The following VGLL3 variants were observed in gnomAD, a reference collection of about 807,000 sequenced individuals.
VGLL3 encodes transcription cofactor vestigial-like protein 3.
In VGLL3, 18 loss-of-function variants were observed where a neutral mutation model predicts 29.2. That is an observed-to-expected ratio of 0.62 (90% CI 0.43 to 0.91). VGLL3 has a LOEUF of 0.91. VGLL3 is among the 40% of genes least tolerant of loss of function. The probability of loss-of-function intolerance (pLI) is 0.00; values close to 1 mark genes in which losing one functional copy is unlikely to be tolerated. For synonymous variants in VGLL3, 180 were observed against 151.8 expected, an observed-to-expected ratio of 1.19 and a Z score of -1.36; for missense variants, 440 against 413.2, an observed-to-expected ratio of 1.06 and a Z score of -0.56.
At chr3:86,978,330 C>A in intron 2 of VGLL3, among the ~76,000 whole-genome samples, 196 bp downstream of exon 2, 1 of 152,316 alleles carries the variant, frequency 6.6e-6, no homozygotes, top group South Asian at 2.1e-4. Flanking sequence ...GGTGTGACTG[C>A]ATCCTTTCCA....
chr3:86,950,876 C>T (rs142570772), intron 3 of VGLL3, among the ~76,000 whole-genome samples: 1 of 152,080 alleles, frequency 6.6e-6, no homozygotes, highest in Non-Finnish European at 1.5e-5. Flanking sequence ...CCTCTTGAGG[C>T]GGTTGTCAGA....
At chr3:86,963,443 T>G (rs1264020094) in intron 3 of VGLL3, among the ~76,000 whole-genome samples, 2 of 152,164 alleles carry the variant, frequency 1.3e-5, no homozygotes, top group South Asian at 4.1e-4. Flanking sequence ...TAGGGAAAAT[T>G]GGGAGTTATT....
intron 2 of VGLL3, among the ~76,000 whole-genome samples, chr3:86,971,955 C>T (rs147084303): frequency 5.9e-5 from 9 of 152,262 alleles, no homozygotes; most frequent in East Asian, 1.9e-4. Context: ...TTATGAAAAC[C>T]GTTGAGCCCC....
chr3:86,979,550 A>G (rs961472569), intron 1 of VGLL3, among the ~76,000 whole-genome samples: 1 of 152,170 alleles, frequency 6.6e-6, no homozygotes, highest in African/African-American at 2.4e-5. Flanking sequence ...GTTTAAAAAT[A>G]TAATTCTAAT....
chr3:86,978,669 C>A lies in VGLL3; in HGVS notation c.260G>T (p.Arg87Leu), dbSNP rs778137224. ...QPAEMEYLNS[R>L]CVLFTYFQGD... ...CTGGAAATAAGTGAAAAGGACACAG[C>A]GAGAGTTAAGGTACTCCATCTCGGC... Residue 87 changes from arginine to leucine, a missense_variant, in exon 2 of 4, where the codon CGC becomes CTC. By Grantham distance (102) the Arg-to-Leu change is moderately radical. Coordinates refer to ENST00000398399, the MANE Select transcript of VGLL3 (RefSeq NM_016206.4). 1 of 1,614,108 alleles carries A rather than the reference C, an allele frequency of 6.2e-7. No homozygotes were observed. Among genetic ancestry groups the A allele is most frequent in the African/African-American group, 1.3e-5 (1 of 75,020 alleles).
At position 86,940,704 on chromosome 3, in the gene VGLL3, T is replaced by C. The variant is rs1302181999; in HGVS notation, c.*6320A>G. On this transcript the variant is annotated 3_prime_UTR_variant, in exon 4 of 4. Transcript: ENST00000398399. ...TATGTTTTTATTACAAAGTCTTCCATCATCTTATATCATTGACACATATTA... is the reference window on the plus strand; with the variant it reads ...TATGTTTTTATTACAAAGTCTTCCACCATCTTATATCATTGACACATATTA... 1.3e-5 allele frequency: 2 copies of C among 152,040 alleles called. No individual in the cohort carries two copies. The highest frequency in any genetic ancestry group is 2.9e-5 in the Non-Finnish European group (2 of 67,940). The allele number at this position is 152,040 out of a possible 1,614,324, so 9.4% of individuals were successfully genotyped here. A position where few individuals can be genotyped will look rare whatever the true frequency, so the allele number is the denominator to read the frequency against.
intron 3 of VGLL3, chr3:86,962,204 A>G (rs186163385): frequency 4.1e-6 from 4 of 985,420 alleles, no homozygotes; most frequent in Middle Eastern, 5.2e-4. Context: ...ATGACTTATG[A>G]TCATACCATA....
At chr3:86,973,340 T>C (rs1335899852) in intron 2 of VGLL3, among the ~76,000 whole-genome samples, 1 of 152,214 alleles carries the variant, frequency 6.6e-6, no homozygotes, top group African/African-American at 2.4e-5. Context: ...TTTTTATTAA[T>C]ATCAGTTAAA....
intron 2 of VGLL3, among the ~76,000 whole-genome samples, chr3:86,976,994 A>G (rs1705222771): frequency 6.6e-6 from 1 of 152,222 alleles, no homozygotes; most frequent in African/African-American, 2.4e-5. Flanking sequence ...TAAATAGGAC[A>G]TTAGTCTATT....
At position 86,939,353 on chromosome 3, in the gene VGLL3, G is replaced by T. The variant is rs894007683; in HGVS notation, c.*7671C>A. 6.6e-6 allele frequency: 1 copy of T among 152,204 alleles called. No individual in the cohort carries two copies. Among genetic ancestry groups the T allele is most frequent in the Non-Finnish European group, 1.5e-5 (1 of 68,080 alleles). The allele number at this position is 152,204 out of a possible 1,614,324, so 9.4% of individuals were successfully genotyped here. The stretch of plus-strand genomic sequence containing the variant: ...TGTAATTAAGAACCTTGAGCATGGC[G>T]CAATGGCTTATGCCTGTAATCCCAA... On this transcript the variant is annotated 3_prime_UTR_variant, in exon 4 of 4. Coordinates refer to ENST00000398399, the MANE Select transcript of VGLL3 (RefSeq NM_016206.4).
intron 3 of VGLL3, among the ~76,000 whole-genome samples, chr3:86,960,004 C>T (rs1278272119): frequency 7.9e-5 from 12 of 152,010 alleles, no homozygotes; most frequent in East Asian, 3.9e-4. Context: ...CTAGTATATT[C>T]GCTATTCTCA....
chr3:86,963,525 ATATAT>A (rs1704900681), intron 3 of VGLL3, among the ~76,000 whole-genome samples: 1 of 152,204 alleles, frequency 6.6e-6, no homozygotes, highest in African/African-American at 2.4e-5. Context: ...AATATTGTGA[ATATAT>A]TATAAGACCA....
chr3:86,948,468 G>A (rs1213880073), intron 3 of VGLL3, among the ~76,000 whole-genome samples: 6 of 152,004 alleles, frequency 3.9e-5, no homozygotes, highest in African/African-American at 1.2e-4. Flanking sequence ...AGACATTAAG[G>A]CAATCTACAA....
chr3:86,988,654 A>G (rs1705505533), intron 1 of VGLL3, among the ~76,000 whole-genome samples: 1 of 87,098 alleles, frequency 1.1e-5, no homozygotes, highest in African/African-American at 3.7e-5. Flanking sequence ...AAAAAAAAAA[A>G]AAAAAAAAAA....
At chr3:86,957,332 G>A (rs1327416217) in intron 3 of VGLL3, among the ~76,000 whole-genome samples, 1 of 152,166 alleles carries the variant, frequency 6.6e-6, no homozygotes, top group Admixed American at 6.5e-5. Flanking sequence ...AAATAATTAA[G>A]TCAGACACAG....
At chr3:86,969,785 C>CA in intron 2 of VGLL3, among the ~76,000 whole-genome samples, 1 of 151,786 alleles carries the variant, frequency 6.6e-6, no homozygotes, top group African/African-American at 2.4e-5. Flanking sequence ...ATGACAGTAT[C>CA]AAATGCCCAA....
intron 2 of VGLL3, among the ~76,000 whole-genome samples, chr3:86,977,437 A>G (rs949741111): frequency 2.0e-5 from 3 of 152,192 alleles, no homozygotes; most frequent in African/African-American, 7.2e-5. Context: ...ACAGGTAGCC[A>G]GCTTTTCCTC....
At chr3:86,983,517 C>T (rs1705372773) in intron 1 of VGLL3, among the ~76,000 whole-genome samples, 1 of 152,140 alleles carries the variant, frequency 6.6e-6, no homozygotes, top group Admixed American at 6.5e-5. Context: ...TCAACTGGGA[C>T]TACAGGTGTG....
intron 1 of VGLL3, among the ~76,000 whole-genome samples, chr3:86,983,376 A>T (rs1241763615): frequency 1.3e-5 from 2 of 151,866 alleles, no homozygotes; most frequent in Non-Finnish European, 2.9e-5. Context: ...GACCATATAT[A>T]TTTTTTTTCT....
Sources: gnomAD v4.1 joint callset for allele counts (sites outside exome capture counted in the v4.1 genomes callset) on GRCh38, gnomAD v4.1.1 for gene constraint, MANE v1.5 for transcripts, NCBI Gene and HGNC (gene_info 2026-07-23, HGNC 2026-07-21) for gene names.